Variants in SLIT3 observed in about 807,000 individuals in gnomAD.
SLIT3 encodes slit guidance ligand 3.
Under a neutral mutation model 184.0 loss-of-function variants are expected in SLIT3, and 68 were observed. The ratio of observed to expected loss-of-function variants is 0.37; its 90% CI spans 0.30 to 0.45. The LOEUF (loss-of-function observed/expected upper bound fraction) is 0.45, where lower values mean the gene tolerates loss of function less well. Among genes scored for constraint, SLIT3 ranks in the 20% least tolerant of loss-of-function variants. SLIT3 has a pLI of 1.00. For missense variants in SLIT3, 1,707 were observed against 2,026.0 expected (o/e 0.84, Z 3.02); for synonymous variants, 831 against 828.6 (o/e 1.00, Z -0.05).
At chr5:168,929,527 GCT>G (rs1252406548) in intron 4 of SLIT3, among the ~76,000 whole-genome samples, 1 of 152,190 alleles carries the variant, frequency 6.6e-6, no homozygotes, top group Non-Finnish European at 1.5e-5. Context: ...ACCCAGGGAT[GCT>G]CTGGAATCAA....
chr5:168,830,741 A>G (rs973058442), intron 6 of SLIT3, among the ~76,000 whole-genome samples: 1 of 152,246 alleles, frequency 6.6e-6, no homozygotes, highest in South Asian at 2.1e-4. Flanking sequence ...TCTCACAGCC[A>G]GAGGTGCGGA....
chr5:169,126,999 T>G (rs1317406214), intron 4 of SLIT3, among the ~76,000 whole-genome samples: 1 of 152,224 alleles, frequency 6.6e-6, no homozygotes, highest in Non-Finnish European at 1.5e-5. Flanking sequence ...AAGTAATTTA[T>G]CCAAAAGATT....
intron 4 of SLIT3, among the ~76,000 whole-genome samples, chr5:169,142,072 TAA>T (rs1170113660): frequency 5.6e-5 from 5 of 89,036 alleles, no homozygotes; most frequent in African/African-American, 4.1e-4. Flanking sequence ...AAAATAAAAA[TAA>T]AAATAAAAAT....
rs191835658 is a variant in SLIT3, at chr5:168,957,585, G to T, written c.414-74249C>A. Among the ~76,000 whole-genome samples, 362 of 152,316 alleles carry T rather than the reference G, an allele frequency of 2.4e-3. 3 individuals are homozygous for T. Among genetic ancestry groups the T allele is most frequent in the African/African-American group, 8.3e-3 (346 of 41,574 alleles). On this transcript the variant is annotated intron_variant, in intron 4 of 35. Transcript: ENST00000519560. ...GCTGATGCTGCTGGTTCCCAGGCCC[G>T]CTTTGAATAGCCAGGGCCTAGCAAT...
chr5:169,100,137 C>T (rs1489038936), intron 4 of SLIT3, among the ~76,000 whole-genome samples: 1 of 152,142 alleles, frequency 6.6e-6, no homozygotes, highest in Non-Finnish European at 1.5e-5. Flanking sequence ...TCTATACAAA[C>T]AGGTAGGTTC....
chr5:168,902,770 G>A (rs937263637), intron 4 of SLIT3, among the ~76,000 whole-genome samples: 2 of 152,228 alleles, frequency 1.3e-5, no homozygotes, highest in African/African-American at 4.8e-5. Flanking sequence ...GCTGGGCAGA[G>A]GGGACACTGC....
intron 4 of SLIT3, among the ~76,000 whole-genome samples, chr5:168,998,001 A>G (rs898396260): frequency 6.6e-6 from 1 of 150,688 alleles, no homozygotes; most frequent in African/African-American, 2.4e-5. Flanking sequence ...CTCTCCCTCC[A>G]TCTCTCCCCT....
chr5:169,049,089 G>A (rs925912163), intron 4 of SLIT3, among the ~76,000 whole-genome samples: 5 of 152,152 alleles, frequency 3.3e-5, no homozygotes, highest in East Asian at 1.9e-4. Flanking sequence ...CCAGGGCTAC[G>A]GCAGGCAGGG....
chr5:169,090,639 G>A (rs1259000534), intron 4 of SLIT3, among the ~76,000 whole-genome samples: 5 of 152,202 alleles, frequency 3.3e-5, no homozygotes, highest in South Asian at 2.1e-4. Context: ...TGACTAAGAC[G>A]TGTTAAGGAT....
chr5:168,872,727 C>T lies in SLIT3; in HGVS notation c.485+10538G>A, dbSNP rs556035762. Among the ~76,000 whole-genome samples the T allele has an allele frequency of 1.4e-3, 207 of 150,590 alleles. 1 individual carries two copies. Among genetic ancestry groups the T allele is most frequent in the Middle Eastern group, 3.4e-3 (1 of 292 alleles). On this transcript the variant is annotated intron_variant, in intron 5 of 35. Transcript: ENST00000519560. The stretch of plus-strand genomic sequence containing the variant: ...AATCTCAGCTCACTACAACCTCTGC[C>T]TCCCAGGTTCAAGTGATTCTCCTGC...
intron 4 of SLIT3, among the ~76,000 whole-genome samples, chr5:169,171,519 C>A (rs1018361723): frequency 6.6e-6 from 1 of 152,184 alleles, no homozygotes; most frequent in African/African-American, 2.4e-5. Flanking sequence ...GAGGTTGTAG[C>A]AGCCCCAAGG....
intron 5 of SLIT3, among the ~76,000 whole-genome samples, chr5:168,848,455 G>C (rs142789581): frequency 6.7e-4 from 102 of 152,280 alleles, no homozygotes; most frequent in African/African-American, 2.3e-3. Flanking sequence ...TTTTGGGAAG[G>C]CTGGCTATTT....
intron 4 of SLIT3, among the ~76,000 whole-genome samples, chr5:169,101,092 G>C (rs1273050025): frequency 6.6e-6 from 1 of 152,216 alleles, no homozygotes. Context: ...TTTGTCCTGA[G>C]TGCCATGGGA....
rs190602239 is a variant in SLIT3 at position 169,116,350 on chromosome 5, C to T, written c.413+77129G>A. 4.0e-3 allele frequency among the ~76,000 whole-genome samples: 607 copies of T among 152,110 alleles called. 3 individuals carry two copies. The highest frequency in any genetic ancestry group is 6.6e-3 in the Non-Finnish European group (452 of 67,996). On this transcript the variant is annotated intron_variant, in intron 4 of 35. Transcript: ENST00000519560. ...TGGGACAGAAGATCATAAACATGAGCGGAGATCATACTGTGTAGGGATGCA... is the reference window on the plus strand; with the variant it reads ...TGGGACAGAAGATCATAAACATGAGTGGAGATCATACTGTGTAGGGATGCA...
chr5:168,880,378 C>T (rs1759906855), intron 5 of SLIT3, among the ~76,000 whole-genome samples: 1 of 152,248 alleles, frequency 6.6e-6, no homozygotes, highest in Non-Finnish European at 1.5e-5. Flanking sequence ...AACCCAATCA[C>T]ACACTCTTCT....
intron 4 of SLIT3, among the ~76,000 whole-genome samples, chr5:168,891,854 T>G (rs561885332): frequency 1.3e-5 from 2 of 152,326 alleles, no homozygotes; most frequent in East Asian, 3.9e-4. Flanking sequence ...TTCAGGGTTG[T>G]GCAGGTAAAG....
intron 4 of SLIT3, among the ~76,000 whole-genome samples, chr5:169,114,380 C>T (rs909266451): frequency 2.0e-5 from 3 of 152,156 alleles, no homozygotes; most frequent in African/African-American, 7.2e-5. Flanking sequence ...ACTTGCCCAG[C>T]GAGTAGCAGA....
chr5:168,750,479 C>T (rs1459340862), intron 18 of SLIT3, among the ~76,000 whole-genome samples: 1 of 152,220 alleles, frequency 6.6e-6, no homozygotes, highest in Non-Finnish European at 1.5e-5. Context: ...TAGGATGATA[C>T]AGCAATGAAG....
intron 4 of SLIT3, among the ~76,000 whole-genome samples, chr5:169,124,113 T>C (rs1248308406): frequency 2.0e-5 from 3 of 152,178 alleles, no homozygotes; most frequent in Admixed American, 6.5e-5. Context: ...TCTTAAAATC[T>C]GTAAAGGGCC....
Sources: gnomAD v4.1 joint callset for allele counts (sites outside exome capture counted in the v4.1 genomes callset) on GRCh38, gnomAD v4.1.1 for gene constraint, MANE v1.5 for transcripts, NCBI Gene and HGNC (gene_info 2026-07-23, HGNC 2026-07-21) for gene names.